Variants in MTMR1 observed in about 807,000 individuals in gnomAD.
MTMR1 encodes the protein myotubularin related protein 1, also known as phosphatidylinositol-3-phosphate phosphatase MTMR1.
A neutral mutation model predicts 51.6 loss-of-function variants in MTMR1; 17 were observed. The ratio of observed to expected loss-of-function variants is 0.33; its 90% CI spans 0.23 to 0.49. The LOEUF is 0.49. MTMR1 is among the 20% of genes least tolerant of loss of function. The pLI, the probability that MTMR1 is intolerant of heterozygous loss-of-function variation, is 0.99. For synonymous variants in MTMR1, 201 were observed against 205.6 expected, an observed-to-expected ratio of 0.98 and a Z score of 0.19; for missense variants, 386 against 526.9, an observed-to-expected ratio of 0.73 and a Z score of 2.62.
At chrX:150,698,669 T>TAC (rs1269816051) in intron 1 of MTMR1, among the ~76,000 whole-genome samples, 8 of 64,130 alleles carry the variant, frequency 1.2e-4, no homozygotes, top group South Asian at 1.2e-3. Context: ...AAACCCTGTC[T>TAC]ACACGCGCGC....
chrX:150,697,984 A>C (rs2040739794), intron 1 of MTMR1, among the ~76,000 whole-genome samples: 1 of 111,458 alleles, frequency 9.0e-6, no homozygotes. Context: ...CTGCCTTCTC[A>C]TCACACCATG....
chrX:150,713,355 T>C (rs2041377530), intron 3 of MTMR1, among the ~76,000 whole-genome samples: 1 of 112,238 alleles, frequency 8.9e-6, no homozygotes, highest in Non-Finnish European at 1.9e-5. Context: ...CTGGCTGCAC[T>C]GAAAAATTAC....
chrX:150,713,414 CTGA>C (rs1168966562), intron 3 of MTMR1, among the ~76,000 whole-genome samples: 2 of 111,858 alleles, frequency 1.8e-5, no homozygotes, highest in African/African-American at 3.2e-5. Flanking sequence ...TAAATTCAAT[CTGA>C]TGATAAAATA....
In MTMR1 at chrX:150,718,529, A is replaced by G; in HGVS notation, c.277-96A>G. 2.0e-5 allele frequency: 21 copies of G among 1,042,659 alleles called. 1 individual carries two copies. The South Asian group carries it at 3.8e-4, about 19-fold the overall frequency. The allele number at this position is 1,042,659 out of a possible 1,213,427, so 85.9% of individuals were successfully genotyped here. A position where few individuals can be genotyped will look rare whatever the true frequency, so the allele number is the denominator to read the frequency against. On this transcript the variant is annotated intron_variant, in intron 3 of 15. Coordinates refer to ENST00000445323, the MANE Select transcript of MTMR1 (RefSeq NM_001306144.3). Reference sequence around the variant, plus strand: ...TGTAGCCTTATAGTGACATCACAGAACACCGAAATTCTTCACAGGTATACG... The same window carrying G: ...TGTAGCCTTATAGTGACATCACAGAGCACCGAAATTCTTCACAGGTATACG...
At chrX:150,706,445 G>GT (rs2041106139) in intron 2 of MTMR1, among the ~76,000 whole-genome samples, 1 of 111,966 alleles carries the variant, frequency 8.9e-6, no homozygotes, top group Admixed American at 9.5e-5. Flanking sequence ...AGACGTAGGA[G>GT]TTTTTTAATA....
chrX:150,726,610 C>G (rs782243456), intron 4 of MTMR1, among the ~76,000 whole-genome samples: 2 of 112,315 alleles, frequency 1.8e-5, no homozygotes, highest in East Asian at 5.6e-4. Context: ...TGGAATGGCA[C>G]TTTGGGAAAA....
At chrX:150,758,559 C>T (rs1334078793) in intron 15 of MTMR1, among the ~76,000 whole-genome samples, 13 of 111,515 alleles carry the variant, frequency 1.2e-4, no homozygotes, top group East Asian at 5.6e-4. Context: ...TTTGGGAGGC[C>T]GAGGTGGGCA....
At chrX:150,752,142 T>A (rs1294007976) in intron 14 of MTMR1, among the ~76,000 whole-genome samples, 1 of 110,349 alleles carries the variant, frequency 9.1e-6, no homozygotes, top group African/African-American at 3.3e-5. Flanking sequence ...GGTCTCAAAC[T>A]CCTGACCTCA....
intron 13 of MTMR1, among the ~76,000 whole-genome samples, chrX:150,747,961 C>A (rs2042622659): frequency 8.9e-6 from 1 of 112,183 alleles, no homozygotes; most frequent in African/African-American, 3.2e-5. Context: ...AACAGAAATT[C>A]TTTCTCACAG....
chrX:150,744,773 A>G (rs1356336476), intron 13 of MTMR1, among the ~76,000 whole-genome samples: 1 of 111,910 alleles, frequency 8.9e-6, no homozygotes, highest in Non-Finnish European at 1.9e-5. Flanking sequence ...CCTGCTGAGC[A>G]GTTCATCTAA....
intron 3 of MTMR1, among the ~76,000 whole-genome samples, chrX:150,713,916 T>TACACAC (rs55969414): frequency 9.4e-4 from 98 of 104,211 alleles, no homozygotes; most frequent in African/African-American, 3.4e-3. Flanking sequence ...TATGTGTGTA[T>TACACAC]ACACACACAC....
chrX:150,701,230 A>G (rs2040896585), intron 2 of MTMR1, among the ~76,000 whole-genome samples: 1 of 111,408 alleles, frequency 9.0e-6, no homozygotes, highest in Non-Finnish European at 1.9e-5. Context: ...ATAAATACAT[A>G]AAATATTTCT....
Position 150,762,927 on chromosome X carries a change from G to C in MTMR1, c.*198G>C, listed in dbSNP as rs2043188849. 2 of 410,670 alleles carry C rather than the reference G, an allele frequency of 4.9e-6. No individual in the cohort carries two copies. The highest frequency in any genetic ancestry group is 7.7e-6 in the Non-Finnish European group (2 of 258,499). The allele number at this position is 410,670 out of a possible 1,213,427, so 33.8% of individuals were successfully genotyped here. A position where few individuals can be genotyped will look rare whatever the true frequency, so the allele number is the denominator to read the frequency against. On this transcript the variant is annotated 3_prime_UTR_variant, in exon 16 of 16. Coordinates refer to ENST00000445323, the MANE Select transcript of MTMR1 (RefSeq NM_001306144.3). ...GTTTCACAGGGGAGCCGTCTGTCAC[G>C]CCCACCCTGTGAAGCAACTTCTGGC...
intron 2 of MTMR1, among the ~76,000 whole-genome samples, chrX:150,699,920 T>C (rs1355795263): frequency 8.9e-6 from 1 of 112,726 alleles, no homozygotes; most frequent in Non-Finnish European, 1.9e-5. Flanking sequence ...GCTCAATAAA[T>C]ATTGAATCAA....
intron 3 of MTMR1, among the ~76,000 whole-genome samples, chrX:150,717,220 G>A (rs2041557140): frequency 9.2e-6 from 1 of 109,061 alleles, no homozygotes; most frequent in Admixed American, 9.8e-5. Context: ...TTAGCCGGGC[G>A]TGGTGGTGTG....
In MTMR1 at chrX:150,764,952, GTA is replaced by G. The variant is rs2043254952; in HGVS notation, c.*2224_*2225del. The G allele has an allele frequency of 1.8e-5, 2 of 112,321 alleles. No homozygotes were observed. Among genetic ancestry groups the G allele is most frequent in the Non-Finnish European group, 3.8e-5 (2 of 53,291 alleles). The allele number at this position is 112,321 out of a possible 1,213,427, so 9.3% of individuals were successfully genotyped here. A position where few individuals can be genotyped will look rare whatever the true frequency, so the allele number is the denominator to read the frequency against. ...TCCCTGGTCTTTTTTAAGTAAGTAA[GTA>G]AGTATCTTAGTAGATTTTTCCTTTG... On this transcript the variant is annotated 3_prime_UTR_variant, in exon 16 of 16. Transcript: ENST00000445323.
At chrX:150,754,489 C>T (rs782580394) in intron 14 of MTMR1, among the ~76,000 whole-genome samples, 1 of 112,547 alleles carries the variant, frequency 8.9e-6, no homozygotes, top group African/African-American at 3.2e-5. Context: ...CATTGTTTAA[C>T]GTTTACCTGC....
chrX:150,704,525 C>T (rs1483596922), intron 2 of MTMR1, among the ~76,000 whole-genome samples: 3 of 111,772 alleles, frequency 2.7e-5, no homozygotes, highest in African/African-American at 9.8e-5. Context: ...GCCCCTTCTA[C>T]TGTGGTGTCA....
intron 13 of MTMR1, among the ~76,000 whole-genome samples, chrX:150,745,762 T>C (rs2042560192): frequency 1.8e-5 from 2 of 111,967 alleles, no homozygotes; most frequent in Non-Finnish European, 3.8e-5. Context: ...GTTCCCCAGG[T>C]GATTCAGATG....
Sources: gnomAD v4.1 joint callset for allele counts (sites outside exome capture counted in the v4.1 genomes callset) on GRCh38, gnomAD v4.1.1 for gene constraint, MANE v1.5 for transcripts, NCBI Gene and HGNC (gene_info 2026-07-23, HGNC 2026-07-21) for gene names.